CYREN: variants seen among roughly 807,000 people sequenced by gnomAD.
CYREN encodes the protein cell cycle regulator of non-homologous end joining.
CYREN carries 7 observed loss-of-function variants against 9.7 expected under a neutral mutation model. That is an observed-to-expected ratio of 0.72 (90% CI 0.41 to 1.36). The LOEUF is 1.36. Among genes scored for constraint, CYREN ranks in the 40% most tolerant of loss-of-function variants. The pLI is 0.01. For synonymous variants in CYREN, 76 were observed against 77.9 expected (o/e 0.98, Z 0.13); for missense variants, 215 against 198.1 (o/e 1.09, Z -0.51).
At chr7:135,135,050 A>T in intron 2 of CYREN, 1 of 1,551,258 alleles carries the variant, frequency 6.4e-7, no homozygotes. Flanking sequence ...AAGAATGAAG[A>T]CATAAAACCT....
intron 2 of CYREN, chr7:135,152,911 T>A (rs1262437228): frequency 1.3e-5 from 2 of 152,134 alleles, no homozygotes; most frequent in African/African-American, 4.8e-5. Flanking sequence ...TGGTGCCCGA[T>A]GGGGAAGGGG....
At chr7:135,115,520 T>G (rs995942823) in intron 2 of CYREN, 1 of 1,551,356 alleles carries the variant, frequency 6.4e-7, no homozygotes, top group Non-Finnish European at 8.7e-7. Context: ...ATTGCAGTAT[T>G]TGCTCCCCAT....
chr7:135,136,274 G>A (rs1829342986), intron 2 of CYREN, among the ~76,000 whole-genome samples: 1 of 152,070 alleles, frequency 6.6e-6, no homozygotes, highest in South Asian at 2.1e-4. Context: ...AAGATCTGGG[G>A]TTGAGTGGTC....
At position 135,151,510 on chromosome 7, in the gene CYREN, A is replaced by G. The variant is rs1241490922; in HGVS notation, n.356+17239T>C. Reference sequence around the variant, plus strand: ...TCTGTTGCCCCGGCTTTATTCTGCTAACATTTTCTTCCCAGTTCTCCTCTC... The same window carrying G: ...TCTGTTGCCCCGGCTTTATTCTGCTGACATTTTCTTCCCAGTTCTCCTCTC... On this transcript the variant is annotated intron_variant and non_coding_transcript_variant, in intron 2 of 2. Transcript: ENST00000459937. This position sits in a 1 kb window ranked among gnomAD's most constrained non-coding sequence, Gnocchi z 4.3. Among the ~76,000 whole-genome samples the G allele has an allele frequency of 6.6e-6, 1 of 152,188 alleles. No individual in the cohort carries two copies. The highest frequency in any genetic ancestry group is 1.5e-5 in the Non-Finnish European group (1 of 68,026).
chr7:135,168,598 C>A (rs1022760108), intron 2 of CYREN, 188 bp downstream of exon 2: 3 of 816,310 alleles, frequency 3.7e-6, no homozygotes, highest in Non-Finnish European at 5.6e-6. Context: ...GGGTGCCTGT[C>A]CTCGAGGGTT....
At chr7:135,167,929 T>C (rs539814337) in intron 2 of CYREN, 122 bp from the exon 3 acceptor site, 2 of 1,510,956 alleles carry the variant, frequency 1.3e-6, no homozygotes, top group East Asian at 2.3e-5. Context: ...TACCAGCACC[T>C]CTGAGCTGAG....
intron 2 of CYREN, among the ~76,000 whole-genome samples, chr7:135,124,824 G>T (rs2117274463): frequency 6.6e-6 from 1 of 152,282 alleles, no homozygotes; most frequent in Middle Eastern, 3.4e-3. Context: ...AATTAAAGCA[G>T]AAATCAAGAA....
chr7:135,128,779 A>C, intron 2 of CYREN: 2 of 1,275,468 alleles, frequency 1.6e-6, no homozygotes, highest in South Asian at 1.3e-5. Context: ...TTTTGGAGGA[A>C]CTTCTGGATC....
chr7:135,129,401 G>T (rs1326096217), intron 2 of CYREN: 2 of 818,424 alleles, frequency 2.4e-6, no homozygotes, highest in Admixed American at 1.7e-5. Flanking sequence ...TGGAACAAAG[G>T]TATGATAAGA....
At chr7:135,113,543 G>A (rs1054721087) in intron 2 of CYREN, among the ~76,000 whole-genome samples, 16 of 151,760 alleles carry the variant, frequency 1.1e-4, no homozygotes, top group Non-Finnish European at 2.2e-4. Context: ...TGCTGTCTAC[G>A]GACCAATTTA....
At chr7:135,118,615 A>G (rs954236659) in intron 2 of CYREN, among the ~76,000 whole-genome samples, 10 of 152,246 alleles carry the variant, frequency 6.6e-5, no homozygotes, top group African/African-American at 2.2e-4. Flanking sequence ...CTATGTTTTA[A>G]TCAGAAATAA....
intron 2 of CYREN, chr7:135,148,356 T>C (rs879264347): frequency 2.7e-5 from 9 of 335,602 alleles, no homozygotes; most frequent in African/African-American, 6.5e-5. Context: ...AGATATTTCA[T>C]GTTCTGGCAA....
At chr7:135,124,295 CAAAG>C (rs1354866323) in intron 2 of CYREN, among the ~76,000 whole-genome samples, 2 of 150,946 alleles carry the variant, frequency 1.3e-5, no homozygotes, top group Admixed American at 6.6e-5. Flanking sequence ...TCAAAAAAGA[CAAAG>C]AAGGGTATTA....
At position 135,166,855 on chromosome 7, in the gene CYREN, T is replaced by C. The variant is rs1195047196; in HGVS notation, c.230A>G (p.Lys77Arg). The C allele has an allele frequency of 6.2e-7, 1 of 1,613,370 alleles. No homozygotes were observed. Among genetic ancestry groups the C allele is most frequent in the East Asian group, 2.2e-5 (1 of 44,842 alleles). ...CGCCAGGGCCGGCTGCTCGCAGGCC[T>C]TTTCCTGTTTGCGGCTCTGTGGAGT... ...GILIESRKQE[K>R]ACEQPALAGA... Residue 77 changes from lysine (K) to arginine (R), a missense_variant, in exon 4 of 4, where the codon AAG (lysine) becomes AGG (arginine). Coordinates refer to ENST00000393114, the MANE Select transcript of CYREN (RefSeq NM_024033.4).
chr7:135,125,645 A>G (rs926773378), intron 2 of CYREN, among the ~76,000 whole-genome samples: 1 of 152,224 alleles, frequency 6.6e-6, no homozygotes, highest in Non-Finnish European at 1.5e-5. Flanking sequence ...AAAATCCTCA[A>G]TAAAATACTG....
At chr7:135,140,651 G>A (rs1829435878) in intron 2 of CYREN, among the ~76,000 whole-genome samples, 1 of 152,014 alleles carries the variant, frequency 6.6e-6, no homozygotes, top group African/African-American at 2.4e-5. Flanking sequence ...TTTTCAAAGG[G>A]AATGCTTCCA....
intron 2 of CYREN, chr7:135,115,483 T>A: frequency 6.4e-7 from 1 of 1,551,322 alleles, no homozygotes; most frequent in Non-Finnish European, 8.7e-7. Flanking sequence ...GCTACAAGGA[T>A]AAAGGAATAG....
chr7:135,171,543 G>A (rs1025644274), upstream of CYREN, among the ~76,000 whole-genome samples: 2 of 152,032 alleles, frequency 1.3e-5, no homozygotes, highest in South Asian at 2.1e-4. Flanking sequence ...CCCCTGTCAC[G>A]TACCCCTTGC....
Position 135,166,532 on chromosome 7 carries a change from G to C in CYREN, c.*79C>G, listed in dbSNP as rs111519723. ...CACAGAGAGCCCCATTCCCACAGGC[G>C]GGCGGCCCAGCAGCACCAGTGGAAG... On this transcript the variant is annotated 3_prime_UTR_variant, in exon 4 of 4. Coordinates refer to ENST00000393114, the MANE Select transcript of CYREN (RefSeq NM_024033.4). 6.6e-7 allele frequency: 1 copy of C among 1,506,300 alleles called. No homozygotes were observed. Among genetic ancestry groups the C allele is most frequent in the South Asian group, 1.3e-5 (1 of 74,934 alleles). 93.3% of individuals were successfully genotyped at this position (1,506,300 alleles called of 1,614,324 possible). A position where few individuals can be genotyped will look rare whatever the true frequency, so the allele number is the denominator to read the frequency against.
Sources: allele counts gnomAD v4.1 joint callset (sites outside exome capture counted in the v4.1 genomes callset), GRCh38; gene constraint gnomAD v4.1.1; non-coding constraint Gnocchi (gnomAD v3.1); transcripts MANE v1.5; gene names NCBI Gene and HGNC (gene_info 2026-07-23, HGNC 2026-07-21).